Variants in PRKG1 observed in about 807,000 individuals in gnomAD.
PRKG1 encodes protein kinase cGMP-dependent 1, also known as cGMP-dependent protein kinase 1.
PRKG1 carries 35 observed loss-of-function variants against 88.1 expected under a neutral mutation model. That is an observed-to-expected ratio of 0.40 (90% CI 0.30 to 0.53). PRKG1 has a LOEUF of 0.53. Among genes scored for constraint, PRKG1 ranks in the 20% least tolerant of loss-of-function variants. The probability of loss-of-function intolerance (pLI) is 0.59; values close to 1 mark genes in which losing one functional copy is unlikely to be tolerated. For synonymous variants in PRKG1, 303 were observed against 292.5 expected, an observed-to-expected ratio of 1.04 and a Z score of -0.37; for missense variants, 540 against 839.8, an observed-to-expected ratio of 0.64 and a Z score of 4.41.
rs145785369 is a variant in PRKG1, at chr10:51,845,850, C to T, written c.698+41160C>T. ...ACTTTATAGTTGATGAACTATTCCT[C>T]AGTGTTACATGTTTGAGGTCCCCAC... is the stretch of plus-strand genomic sequence containing the variant. On this transcript the variant is annotated intron_variant, in intron 4 of 17. Transcript: ENST00000373980. 5.5e-4 allele frequency among the ~76,000 whole-genome samples: 84 copies of T among 152,202 alleles called. 3 individuals carry two copies. The highest frequency in any genetic ancestry group is 2.0e-3 in the African/African-American group (83 of 41,544).
At chr10:52,062,415 A>G in intron 6 of PRKG1, 122 bp from the exon 7 acceptor site, 2 of 572,534 alleles carry the variant, frequency 3.5e-6, no homozygotes, top group Non-Finnish European at 2.8e-6. Context: ...TGGTAATTTA[A>G]ATGCTTTTTC....
intron 8 of PRKG1, among the ~76,000 whole-genome samples, chr10:52,154,988 G>C (rs1838052230): frequency 6.6e-6 from 1 of 152,082 alleles, no homozygotes; most frequent in Admixed American, 6.6e-5. Context: ...TTTTATGGCT[G>C]AGTAGTATTC....
chr10:52,257,488 C>T (rs1193670074), intron 10 of PRKG1, among the ~76,000 whole-genome samples: 1 of 140,070 alleles, frequency 7.1e-6, no homozygotes, highest in East Asian at 2.0e-4. Context: ...TACTGCCAAG[C>T]CGCACAGCAA....
At chr10:52,108,170 C>A (rs1011202104) in intron 7 of PRKG1, among the ~76,000 whole-genome samples, 1 of 152,120 alleles carries the variant, frequency 6.6e-6, no homozygotes, top group African/African-American at 2.4e-5. Context: ...ATATTGACTC[C>A]AGTTTTTCTG....
rs369549498 is a variant in PRKG1 at position 51,220,779 on chromosome 10, A to G, written c.478+67449A>G. Among the ~76,000 whole-genome samples the G allele has an allele frequency of 5.9e-5, 9 of 152,336 alleles. No homozygotes were observed. The East Asian group carries it at 1.7e-3, about 29-fold the overall frequency. ...GATGTGGGAATAATATACATTGAAT[A>G]AAACATTATTAAAAGTAGGCATAAA... On this transcript the variant is annotated intron_variant, in intron 2 of 17. Transcript: ENST00000373980.
intron 4 of PRKG1, among the ~76,000 whole-genome samples, chr10:51,897,382 C>T (rs1363186768): frequency 1.3e-5 from 2 of 152,088 alleles, no homozygotes; most frequent in South Asian, 2.1e-4. Context: ...CTACTCTTCT[C>T]CATATGCTTC....
At chr10:51,442,699 A>G (rs1839153351) in intron 2 of PRKG1, among the ~76,000 whole-genome samples, 1 of 152,048 alleles carries the variant, frequency 6.6e-6, no homozygotes, top group Non-Finnish European at 1.5e-5. Context: ...GAGGGGAGTG[A>G]AAAAGCATGT....
chr10:52,180,650 C>A (rs1318894400), intron 9 of PRKG1, among the ~76,000 whole-genome samples: 1 of 152,166 alleles, frequency 6.6e-6, no homozygotes, highest in Non-Finnish European at 1.5e-5. Flanking sequence ...GTAATCCATG[C>A]TAGTGATGTT....
intron 2 of PRKG1, among the ~76,000 whole-genome samples, chr10:51,162,921 G>A (rs892539698): frequency 2.0e-5 from 3 of 152,084 alleles, no homozygotes; most frequent in Non-Finnish European, 2.9e-5. Context: ...CTCTCACTAT[G>A]TTACCCAGGC....
chr10:51,613,591 T>C (rs1838968794), intron 3 of PRKG1, among the ~76,000 whole-genome samples: 1 of 151,896 alleles, frequency 6.6e-6, no homozygotes, highest in Non-Finnish European at 1.5e-5. Context: ...TCTAGTTTAT[T>C]TGAAATTTTT....
At chr10:52,077,133 T>C (rs1846649172) in intron 7 of PRKG1, among the ~76,000 whole-genome samples, 1 of 152,126 alleles carries the variant, frequency 6.6e-6, no homozygotes, top group Non-Finnish European at 1.5e-5. Flanking sequence ...TTATATTTAA[T>C]ATCTCCAAAT....
At chr10:52,064,531 G>A (rs1461104056) in intron 7 of PRKG1, among the ~76,000 whole-genome samples, 7 of 152,210 alleles carry the variant, frequency 4.6e-5, no homozygotes, top group Non-Finnish European at 8.8e-5. Context: ...GGGGAGGCCC[G>A]GGTCCATGGC....
At chr10:51,523,077 T>C (rs926105325) in intron 3 of PRKG1, among the ~76,000 whole-genome samples, 2 of 152,218 alleles carry the variant, frequency 1.3e-5, no homozygotes, top group Non-Finnish European at 2.9e-5. Flanking sequence ...CTTCAGATTA[T>C]GCAACACCAG....
At chr10:52,147,624 T>A (rs1020555629) in intron 8 of PRKG1, among the ~76,000 whole-genome samples, 1 of 151,664 alleles carries the variant, frequency 6.6e-6, no homozygotes, top group African/African-American at 2.4e-5. Context: ...GGGGAAAGAG[T>A]AGGGTGGGAG....
At chr10:51,460,646 T>C (rs1489638595) in intron 2 of PRKG1, among the ~76,000 whole-genome samples, 1 of 152,176 alleles carries the variant, frequency 6.6e-6, no homozygotes, top group African/African-American at 2.4e-5. Context: ...AGTGCTAACA[T>C]TTCAAAAGAT....
intron 5 of PRKG1, among the ~76,000 whole-genome samples, chr10:52,049,884 C>T (rs1462106825): frequency 6.6e-6 from 1 of 152,046 alleles, no homozygotes; most frequent in Non-Finnish European, 1.5e-5. Context: ...GAACTAGACA[C>T]AGTTCTTGCT....
chr10:51,704,154 A>AT (rs1398345962), intron 3 of PRKG1, among the ~76,000 whole-genome samples: 162 of 150,752 alleles, frequency 1.1e-3, no homozygotes, highest in Non-Finnish European at 2.0e-3. Context: ...AAAAAAAAAA[A>AT]AAAATTAAAT....
intron 3 of PRKG1, among the ~76,000 whole-genome samples, chr10:51,616,347 G>C (rs903358511): frequency 6.6e-6 from 1 of 152,170 alleles, no homozygotes; most frequent in East Asian, 1.9e-4. Context: ...AGCTGGTCAG[G>C]GTCTCGAGTC....
In PRKG1 at chr10:51,631,224, A is replaced by G. The variant is rs913674262; in HGVS notation, c.592+163388A>G. Among the ~76,000 whole-genome samples the G allele has an allele frequency of 5.9e-5, 9 of 152,122 alleles. No individual in the cohort carries two copies. In the South Asian group the frequency reaches 1.9e-3, roughly 32 times the overall value. The stretch of plus-strand genomic sequence containing the variant: ...ATCATTGGGTCTTTCCCCCTCTTCA[A>G]AGAAACTCTCCAGTTACATTTGTTT... On this transcript the variant is annotated intron_variant, in intron 3 of 17. Transcript: ENST00000373980.
Sources: gnomAD v4.1 joint callset for allele counts (sites outside exome capture counted in the v4.1 genomes callset) on GRCh38, gnomAD v4.1.1 for gene constraint, MANE v1.5 for transcripts, NCBI Gene and HGNC (gene_info 2026-07-23, HGNC 2026-07-21) for gene names.